The following CYP20A1 variants were observed in gnomAD, a reference collection of about 807,000 sequenced individuals.
CYP20A1 encodes cytochrome P450 20A1.
In CYP20A1, 61 loss-of-function variants were observed where a neutral mutation model predicts 61.4. The ratio of observed to expected loss-of-function variants is 0.99; its 90% confidence interval spans 0.81 to 1.23. The LOEUF (loss-of-function observed/expected upper bound fraction) is 1.23. CYP20A1 is among the 50% of genes most tolerant of loss of function. The probability of loss-of-function intolerance (pLI) is 0.00; values close to 1 mark genes in which losing one functional copy is unlikely to be tolerated. For missense variants in CYP20A1, 530 were observed against 542.4 expected (o/e 0.98, Z 0.23); for synonymous variants, 193 against 188.2 (o/e 1.03, Z -0.21).
Position 203,299,883 on chromosome 2 carries a change from A to AG in CYP20A1, c.*2975_*2976insG, listed in dbSNP as rs1461193422. On this transcript the variant is annotated 3_prime_UTR_variant, in exon 13 of 13. Coordinates refer to ENST00000356079, the MANE Select transcript of CYP20A1 (RefSeq NM_177538.3). ...GAGTGAAACTCCGTCTCAAAAAAAA[A>AG]AGAAAAATTCTAAAACTTTAAGTGA... Among the ~76,000 whole-genome samples the AG allele has an allele frequency of 6.6e-6, 1 of 152,170 alleles. No homozygotes were observed. The highest frequency in any genetic ancestry group is 1.5e-5 in the Non-Finnish European group (1 of 68,026).
rs186128553 is a variant in CYP20A1, at chr2:203,239,029, C to A, written c.-34C>A. 1.7e-5 allele frequency: 28 copies of A among 1,601,130 alleles called. No individual in the cohort carries two copies. In the East Asian group the frequency reaches 4.9e-4, roughly 28 times the overall value. On this transcript the variant is annotated 5_prime_UTR_variant, in exon 1 of 13. Coordinates refer to ENST00000356079, the MANE Select transcript of CYP20A1 (RefSeq NM_177538.3). ...GCTGAGGCGCTGCTGCTGGAGCGGCCGATCCGAGACGTGGCTCCCTGGGCG... is the reference window on the plus strand; with the variant it reads ...GCTGAGGCGCTGCTGCTGGAGCGGCAGATCCGAGACGTGGCTCCCTGGGCG...
At chr2:203,242,326 A>C in intron 1 of CYP20A1, among the ~76,000 whole-genome samples, 1 of 152,134 alleles carries the variant, frequency 6.6e-6, no homozygotes, top group East Asian at 1.9e-4. Flanking sequence ...TGGGGTGATA[A>C]ACCTAAATGG....
chr2:203,249,064 A>G (rs1374650728), intron 3 of CYP20A1, among the ~76,000 whole-genome samples: 1 of 152,218 alleles, frequency 6.6e-6, no homozygotes, highest in Admixed American at 6.6e-5. Flanking sequence ...ATATCAGGTC[A>G]TAAAGGTAAT....
At chr2:203,272,550 C>CA (rs368688435) in intron 5 of CYP20A1, 120 bp from the exon 6 acceptor site, 13,473 of 132,102 alleles carry the variant, frequency 0.1, 531 homozygotes, top group East Asian at 0.17. Context: ...AACCCTGACT[C>CA]AAAAAAAAAA....
chr2:203,256,638 C>T (rs1454340094), intron 4 of CYP20A1, among the ~76,000 whole-genome samples: 1 of 152,140 alleles, frequency 6.6e-6, no homozygotes, highest in Non-Finnish European at 1.5e-5. Flanking sequence ...GGATTACAGG[C>T]GTGAGCCACC....
intron 5 of CYP20A1, among the ~76,000 whole-genome samples, 157 bp downstream of exon 5, chr2:203,266,838 G>T (rs1398909337): frequency 6.6e-6 from 1 of 152,010 alleles, no homozygotes; most frequent in Non-Finnish European, 1.5e-5. Flanking sequence ...AAAATCAGCT[G>T]GGTGTGGTGG....
At chr2:203,270,146 A>C (rs922249670) in intron 5 of CYP20A1, among the ~76,000 whole-genome samples, 2 of 151,956 alleles carry the variant, frequency 1.3e-5, no homozygotes, top group African/African-American at 4.8e-5. Context: ...TTTAGTCCCA[A>C]CTGCTTGTGA....
chr2:203,257,181 G>C (rs1462937151), intron 4 of CYP20A1, among the ~76,000 whole-genome samples: 1 of 151,932 alleles, frequency 6.6e-6, no homozygotes, highest in East Asian at 1.9e-4. Context: ...AGCTGAGCAT[G>C]GTGGTGTATG....
chr2:203,285,390 T>G (rs1323385571), intron 8 of CYP20A1, among the ~76,000 whole-genome samples: 1 of 152,184 alleles, frequency 6.6e-6, no homozygotes, highest in African/African-American at 2.4e-5. Flanking sequence ...GCATCCAGAT[T>G]GCACTATGTC....
intron 6 of CYP20A1, among the ~76,000 whole-genome samples, chr2:203,276,595 G>C (rs920992591): frequency 3.3e-5 from 5 of 152,126 alleles, no homozygotes; most frequent in African/African-American, 1.2e-4. Context: ...TAAAATTAGG[G>C]TATAAGGGAG....
At position 203,275,613 on chromosome 2, in the gene CYP20A1, T is replaced by C. The variant is rs868278774; in HGVS notation, c.679+2865T>C. 4.6e-5 allele frequency among the ~76,000 whole-genome samples: 7 copies of C among 152,250 alleles called. No homozygotes were observed. In the South Asian group the frequency reaches 1.4e-3, roughly 32 times the overall value. On this transcript the variant is annotated intron_variant, in intron 6 of 12. Coordinates refer to ENST00000356079, the MANE Select transcript of CYP20A1 (RefSeq NM_177538.3). ...TGCCGCCGTGCTCAAATAATTTTTA[T>C]AGTTTTAGTACAGACGGGGTTTCAC...
intron 4 of CYP20A1, among the ~76,000 whole-genome samples, chr2:203,261,984 A>G (rs1353745358): frequency 6.6e-6 from 1 of 152,038 alleles, no homozygotes; most frequent in Non-Finnish European, 1.5e-5. Flanking sequence ...AAAAGCATCC[A>G]AGGGGAGGGC....
At chr2:203,252,787 A>G (rs1482269335) in intron 4 of CYP20A1, among the ~76,000 whole-genome samples, 7 of 151,098 alleles carry the variant, frequency 4.6e-5, no homozygotes. Context: ...TTGGCCCCAC[A>G]CTTTCTCGGA....
intron 1 of CYP20A1, among the ~76,000 whole-genome samples, chr2:203,240,053 A>C (rs1174049683): frequency 6.6e-6 from 1 of 152,190 alleles, no homozygotes; most frequent in African/African-American, 2.4e-5. Context: ...CCAAGATCGC[A>C]CCACTGCACT....
At chr2:203,284,005 A>G (rs923972473) in intron 8 of CYP20A1, among the ~76,000 whole-genome samples, 4 of 152,188 alleles carry the variant, frequency 2.6e-5, no homozygotes, top group African/African-American at 4.8e-5. Context: ...CATCACTTGT[A>G]AAATAGCAAT....
In CYP20A1 at chr2:203,298,940, C is replaced by G. The variant is rs2068918097; in HGVS notation, c.*2032C>G. On this transcript the variant is annotated 3_prime_UTR_variant, in exon 13 of 13. Coordinates refer to ENST00000356079, the MANE Select transcript of CYP20A1 (RefSeq NM_177538.3). ...GTCTCAGCTACTTGGGAGGCTGAGG[C>G]AGGAGAATCGCTTGAACCTGGGAGG... Among the ~76,000 whole-genome samples, 1 of 151,926 alleles carries G rather than the reference C, an allele frequency of 6.6e-6. No individual in the cohort carries two copies.
At chr2:203,248,283 C>G (rs2105902762) in intron 3 of CYP20A1, among the ~76,000 whole-genome samples, 1 of 152,218 alleles carries the variant, frequency 6.6e-6, no homozygotes, top group African/African-American at 2.4e-5. Flanking sequence ...CCTGGTGTCC[C>G]AGCACTTTGG....
At chr2:203,261,296 G>A (rs2152069433) in intron 4 of CYP20A1, among the ~76,000 whole-genome samples, 1 of 151,898 alleles carries the variant, frequency 6.6e-6, no homozygotes, top group African/African-American at 2.4e-5. Flanking sequence ...AGTAACTTAT[G>A]CTTATAATCC....
In CYP20A1 at chr2:203,253,073, C is replaced by T. The variant is rs74960377; in HGVS notation, c.432+964C>T. Among the ~76,000 whole-genome samples the T allele has an allele frequency of 2.6e-4, 40 of 151,982 alleles. No individual in the cohort carries two copies. In the East Asian group the frequency reaches 6.4e-3, roughly 24 times the overall value. On this transcript the variant is annotated intron_variant, in intron 4 of 12. Transcript: ENST00000356079. The stretch of plus-strand genomic sequence containing the variant: ...GCCACTCTCACGTCCTGTGTTGGTT[C>T]GGGTGTGAGTTTCATATGAATTGAC...
Sources: allele counts gnomAD v4.1 joint callset (sites outside exome capture counted in the v4.1 genomes callset), GRCh38; gene constraint gnomAD v4.1.1; transcripts MANE v1.5; gene names NCBI Gene and HGNC (gene_info 2026-07-23, HGNC 2026-07-21).